KARS1: variants seen among roughly 807,000 people sequenced by gnomAD.
The protein encoded by KARS1 is lysyl-tRNA synthetase 1, also known as lysine--tRNA ligase.
A neutral mutation model predicts 63.9 loss-of-function variants in KARS1; 50 were observed. The observed-to-expected ratio is 0.78, with a 90% CI of 0.62 to 0.99. The LOEUF is 0.99. KARS1 is among the 50% of genes least tolerant of loss of function. The probability of loss-of-function intolerance (pLI) is 0.00; values close to 1 mark genes in which losing one functional copy is unlikely to be tolerated. For missense variants in KARS1, 816 were observed against 754.5 expected, an observed-to-expected ratio of 1.08 and a Z score of -0.95; for synonymous variants, 320 against 264.6, an observed-to-expected ratio of 1.21 and a Z score of -2.03.
intron 10 of KARS1, among the ~76,000 whole-genome samples, 188 bp from the exon 11 acceptor site, chr16:75,630,696 C>T (rs993882854): frequency 4.6e-5 from 7 of 152,002 alleles, no homozygotes; most frequent in African/African-American, 1.7e-4. Context: ...AGTGCAGTGG[C>T]ATGATCTCGG....
chr16:75,645,472 G>C (rs546255758), intron 1 of KARS1, among the ~76,000 whole-genome samples: 84 of 152,234 alleles, frequency 5.5e-4, no homozygotes, highest in Non-Finnish European at 9.8e-4. Context: ...ACTGACACTA[G>C]ACAGAAAGCT....
Position 75,636,117 on chromosome 16 carries a change from T to C in KARS1, c.483-19A>G, listed in dbSNP as rs780892945. 1.4e-6 allele frequency: 2 copies of C among 1,431,502 alleles called. No homozygotes were observed. The highest frequency in any genetic ancestry group is 2.0e-6 in the Non-Finnish European group (2 of 1,018,580). 88.7% of individuals were successfully genotyped at this position (1,431,502 alleles called of 1,614,324 possible). A position where few individuals can be genotyped will look rare whatever the true frequency, so the allele number is the denominator to read the frequency against. On this transcript the variant is annotated intron_variant, in intron 4 of 13. Coordinates refer to ENST00000302445, the MANE Select transcript of KARS1 (RefSeq NM_005548.3). ...ATAATTTCTGAGTGAAAAAGAAATG[T>C]AATTCAGTAACAACAATTCAAATGA...
chr16:75,644,890 A>T (rs1416391046), intron 1 of KARS1, among the ~76,000 whole-genome samples: 1 of 152,260 alleles, frequency 6.6e-6, no homozygotes, highest in African/African-American at 2.4e-5. Flanking sequence ...CTCTAGACAA[A>T]GATAAATGCA....
intron 2 of KARS1, among the ~76,000 whole-genome samples, chr16:75,640,998 T>C (rs1372640694): frequency 6.6e-6 from 1 of 150,596 alleles, no homozygotes; most frequent in Non-Finnish European, 1.5e-5. Flanking sequence ...AGGCCAGGAG[T>C]TCAAGACCAG....
chr16:75,637,791 A>AG (rs1290101080), intron 3 of KARS1, among the ~76,000 whole-genome samples: 1 of 151,466 alleles, frequency 6.6e-6, no homozygotes, highest in African/African-American at 2.4e-5. Context: ...AAAAAAAAAA[A>AG]AAAAAATCTA....
chr16:75,642,226 CAG>C (rs1812809462), intron 1 of KARS1, among the ~76,000 whole-genome samples: 1 of 96,822 alleles, frequency 1.0e-5, no homozygotes, highest in Non-Finnish European at 1.9e-5. Flanking sequence ...TTTTATGAGA[CAG>C]AGTTTTGCTC....
At chr16:75,634,387 C>T in intron 6 of KARS1, 95 bp from the exon 7 acceptor site, 1 of 1,270,198 alleles carries the variant, frequency 7.9e-7, no homozygotes, top group Non-Finnish European at 1.1e-6. Flanking sequence ...GCCTGTTATA[C>T]CCCAAACTAA....
chr16:75,638,219 T>C (rs2082185237), intron 3 of KARS1, among the ~76,000 whole-genome samples: 1 of 114,622 alleles, frequency 8.7e-6, no homozygotes, highest in Admixed American at 1.3e-4. Flanking sequence ...AAAAGTTCCT[T>C]TTTTTTTTTT....
At chr16:75,628,075 CTGT>C in intron 13 of KARS1, 82 bp from the exon 14 acceptor site, 4 of 846,018 alleles carry the variant, frequency 4.7e-6, no homozygotes, top group Non-Finnish European at 6.2e-6. Flanking sequence ...CCTCTTGCCT[CTGT>C]TGTTACCACC....
intron 3 of KARS1, among the ~76,000 whole-genome samples, chr16:75,638,985 T>G (rs1448966303): frequency 6.6e-6 from 1 of 151,328 alleles, no homozygotes; most frequent in African/African-American, 2.4e-5. Flanking sequence ...CTGGCCAACA[T>G]GGTGAAACTC....
chr16:75,642,862 A>C (rs2082240362), intron 1 of KARS1: 1 of 151,536 alleles, frequency 6.6e-6, no homozygotes, highest in Admixed American at 6.6e-5. Context: ...ATAATAGACA[A>C]CCCCCACCAG....
Position 75,628,694 on chromosome 16 carries a change from C to T in KARS1, c.1570G>A (p.Asp524Asn), listed in dbSNP as rs1029146649. The part of the protein sequence containing the change: ...EQAKAKAAGD[D>N]EAMFIDENFC... ...TTTTCATCTATGAACATGGCCTCAT[C>T]ATCACCTGCAGCCTTGGCCTAGAAG... Residue 524 changes from aspartate (D) to asparagine (N), a missense_variant, in exon 13 of 14, where the codon GAT (aspartate) becomes AAT (asparagine). Asp to Asn is a conservative substitution (Grantham distance 23). Coordinates refer to ENST00000302445, the MANE Select transcript of KARS1 (RefSeq NM_005548.3). The T allele has an allele frequency of 1.2e-6, 2 of 1,614,104 alleles. No individual in the cohort carries two copies. Among genetic ancestry groups the T allele is most frequent in the African/African-American group, 1.3e-5 (1 of 74,944 alleles).
At position 75,635,003 on chromosome 16, in the gene KARS1, G is replaced by A. The variant is rs370998757; in HGVS notation, c.795+677C>T. Among the ~76,000 whole-genome samples the A allele has an allele frequency of 4.6e-5, 7 of 152,292 alleles. No homozygotes were observed. In the East Asian group the frequency reaches 5.8e-4, roughly 13 times the overall value. ...TCTACTTCTAGAAATCCATCCTACAGAAACATTTGAACATGTGTATAAAGA... is the reference window on the plus strand; with the variant it reads ...TCTACTTCTAGAAATCCATCCTACAAAAACATTTGAACATGTGTATAAAGA... On this transcript the variant is annotated intron_variant, in intron 6 of 13. Coordinates refer to ENST00000302445, the MANE Select transcript of KARS1 (RefSeq NM_005548.3).
rs201043699 is a variant in KARS1, at chr16:75,636,486, C to G, written c.450G>C (p.Glu150Asp). 31 of 1,613,584 alleles carry G rather than the reference C, an allele frequency of 1.9e-5. No homozygotes were observed. Among genetic ancestry groups the G allele is most frequent in the Non-Finnish European group, 2.1e-5 (25 of 1,179,490 alleles). ...TGGCCATGACTTGCAACTTCACCCC[C>G]TCTCCTCGAAGATCATAGAAGATGA... Reference protein sequence around the residue: ...GKLIFYDLRGEGVKLQVMANS... With the variant: ...GKLIFYDLRGDGVKLQVMANS... The change falls in exon 4 of 14, where the codon GAG (glutamate) becomes GAC (aspartate). Residue 150 changes from glutamate to aspartate, a missense_variant. Glu to Asp is a conservative substitution (Grantham distance 45). Transcript: ENST00000302445.
intron 6 of KARS1, among the ~76,000 whole-genome samples, chr16:75,634,599 G>A (rs1222182720): frequency 1.3e-5 from 2 of 151,826 alleles, no homozygotes; most frequent in African/African-American, 4.8e-5. Flanking sequence ...TTTTTAAGAC[G>A]GAGTCTTGCT....
In KARS1 at chr16:75,627,766, C is replaced by T. The variant is rs1227835454; in HGVS notation, c.*129G>A. 9.6e-6 allele frequency: 7 copies of T among 731,832 alleles called. No individual in the cohort carries two copies. Among genetic ancestry groups the T allele is most frequent in the Admixed American group, 9.5e-5 (5 of 52,426 alleles). 45.3% of individuals were successfully genotyped at this position (731,832 alleles called of 1,614,324 possible). A position where few individuals can be genotyped will look rare whatever the true frequency, so the allele number is the denominator to read the frequency against. On this transcript the variant is annotated 3_prime_UTR_variant, in exon 14 of 14. Coordinates refer to ENST00000302445, the MANE Select transcript of KARS1 (RefSeq NM_005548.3). Reference sequence around the variant, plus strand: ...TAAAAAGAAATTTTTAATTCCTTGTCTCTCTTCTGATGGCTGAACAGAACT... The same window carrying T: ...TAAAAAGAAATTTTTAATTCCTTGTTTCTCTTCTGATGGCTGAACAGAACT...
intron 1 of KARS1, among the ~76,000 whole-genome samples, chr16:75,647,262 G>A (rs1597181499): frequency 6.6e-6 from 1 of 152,228 alleles, no homozygotes; most frequent in South Asian, 2.1e-4. Context: ...AAAGGAGGAT[G>A]AAGCTAAGCA....
rs1423647422 is a variant in KARS1 at position 75,628,679 on chromosome 16, T to C, written c.1585A>G (p.Ile529Val). 5.0e-6 allele frequency: 8 copies of C among 1,614,110 alleles called. No individual in the cohort carries two copies. Among genetic ancestry groups the C allele is most frequent in the African/African-American group, 1.3e-5 (1 of 74,920 alleles). The change falls in exon 13 of 14, where the codon ATA becomes GTA. Residue 529 changes from isoleucine to valine, a missense_variant. Coordinates refer to ENST00000302445, the MANE Select transcript of KARS1 (RefSeq NM_005548.3). Reference sequence around the variant, plus strand: ...AGGGCAGTACAGAAGTTTTCATCTATGAACATGGCCTCATCATCACCTGCA... The same window carrying C: ...AGGGCAGTACAGAAGTTTTCATCTACGAACATGGCCTCATCATCACCTGCA... ...KAAGDDEAMF[I>V]DENFCTALEY...
In KARS1 at chr16:75,634,214, T is replaced by C. The variant is rs143117090; in HGVS notation, c.874A>G (p.Met292Val). Residue 292 changes from methionine (M) to valine (V), a missense_variant, in exon 7 of 14, where the codon ATG (methionine) becomes GTG (valine). Physicochemically the swap from Met to Val is conservative, Grantham distance 21. Transcript: ENST00000302445. ...PFITYHNELD[M>V]NLYMRIAPEL... ...GGAGCAATTCTCATATATAAGTTCA[T>C]GTCCAGCTCGTTGTGATAAGTGATG... 79 of 1,613,966 alleles carry C rather than the reference T, an allele frequency of 4.9e-5. No homozygotes were observed. The highest frequency in any genetic ancestry group is 5.6e-5 in the Non-Finnish European group (66 of 1,179,894).
Sources: gnomAD v4.1 joint callset for allele counts (sites outside exome capture counted in the v4.1 genomes callset) on GRCh38, gnomAD v4.1.1 for gene constraint, MANE v1.5 for transcripts, NCBI Gene and HGNC (gene_info 2026-07-23, HGNC 2026-07-21) for gene names.